The following OIP5 variants were observed in gnomAD, a reference collection of about 807,000 sequenced individuals.
OIP5 encodes protein Mis18-beta.
A neutral mutation model predicts 20.3 loss-of-function variants in OIP5; 24 were observed. The observed-to-expected ratio is 1.18, with a 90% confidence interval of 0.86 to 1.66. The LOEUF (loss-of-function observed/expected upper bound fraction) is 1.66, where lower values mean the gene tolerates loss of function less well. OIP5 is among the 40% of genes most tolerant of loss of function. OIP5 has a pLI of 0.00. For missense variants in OIP5, 339 were observed against 289.5 expected, an observed-to-expected ratio of 1.17 and a Z score of -1.24; for synonymous variants, 143 against 121.3, an observed-to-expected ratio of 1.18 and a Z score of -1.17.
intron 4 of OIP5, among the ~76,000 whole-genome samples, chr15:41,311,193 A>G (rs950210124): frequency 6.6e-6 from 1 of 152,140 alleles, no homozygotes; most frequent in African/African-American, 2.4e-5. Flanking sequence ...CATTTTTAGC[A>G]GAGATGGTAA....
chr15:41,325,911 C>T (rs1224062411), intron 2 of OIP5, among the ~76,000 whole-genome samples: 1 of 151,990 alleles, frequency 6.6e-6, no homozygotes, highest in Non-Finnish European at 1.5e-5. Context: ...CCTGTAATCC[C>T]AGCACTCTGG....
chr15:41,316,498 G>T (rs973501457), intron 3 of OIP5, among the ~76,000 whole-genome samples: 3 of 151,688 alleles, frequency 2.0e-5, no homozygotes, highest in Non-Finnish European at 2.9e-5. Flanking sequence ...CATAAGAAAT[G>T]AGAAAAAGCG....
intron 4 of OIP5, among the ~76,000 whole-genome samples, chr15:41,311,199 G>C (rs1160385401): frequency 6.6e-6 from 1 of 152,072 alleles, no homozygotes; most frequent in Non-Finnish European, 1.5e-5. Flanking sequence ...TAGCAGAGAT[G>C]GTAAAACCCC....
At chr15:41,318,969 T>C (rs778456910) in intron 3 of OIP5, among the ~76,000 whole-genome samples, 5 of 152,010 alleles carry the variant, frequency 3.3e-5, no homozygotes, top group Admixed American at 1.3e-4. Flanking sequence ...TCACAAAGCA[T>C]TGGCATTACA....
At position 41,320,055 on chromosome 15, in the gene OIP5, A is replaced by T. The variant is rs187476323; in HGVS notation, c.390-275T>A. 9.8e-5 allele frequency among the ~76,000 whole-genome samples: 15 copies of T among 152,302 alleles called. No individual in the cohort carries two copies. In the East Asian group the frequency reaches 2.9e-3, roughly 29 times the overall value. On this transcript the variant is annotated intron_variant, in intron 2 of 4. Coordinates refer to ENST00000220514, the MANE Select transcript of OIP5 (RefSeq NM_007280.2). ...GAGAAAGGTAATTTACCCCTAATAA[A>T]CACAAAAAGAGCTAACTAATCTGAT...
chr15:41,329,339 G>A (rs939003588), intron 2 of OIP5, among the ~76,000 whole-genome samples: 12 of 141,684 alleles, frequency 8.5e-5, no homozygotes, highest in Non-Finnish European at 1.4e-4. Context: ...TTTTTCAGAC[G>A]GAGTCTCGAT....
intron 3 of OIP5, 55 bp from the exon 4 acceptor site, chr15:41,313,409 G>GA: frequency 2.0e-6 from 2 of 978,886 alleles, no homozygotes; most frequent in Non-Finnish European, 3.1e-6. Context: ...GATTATAAAA[G>GA]AACCAAACTT....
chr15:41,322,393 T>G (rs567698894), intron 2 of OIP5, among the ~76,000 whole-genome samples: 4 of 152,312 alleles, frequency 2.6e-5, no homozygotes, highest in African/African-American at 9.6e-5. Context: ...ATATATAGTA[T>G]GAAGTTTTTT....
intron 3 of OIP5, among the ~76,000 whole-genome samples, chr15:41,317,987 A>G (rs1870872279): frequency 6.6e-6 from 1 of 152,048 alleles, no homozygotes; most frequent in South Asian, 2.1e-4. Flanking sequence ...CCAGGTATTC[A>G]TTCTTGATCC....
chr15:41,313,546 G>A (rs1200770426), intron 3 of OIP5, among the ~76,000 whole-genome samples, 192 bp from the exon 4 acceptor site: 2 of 151,912 alleles, frequency 1.3e-5, no homozygotes. Context: ...AACAACCACA[G>A]ACTAAAAATA....
rs375775747 is a variant in OIP5, at chr15:41,323,021, T to C, written c.390-3241A>G. 4.6e-5 allele frequency among the ~76,000 whole-genome samples: 7 copies of C among 152,010 alleles called. No individual in the cohort carries two copies. In the East Asian group the frequency reaches 1.4e-3, roughly 29 times the overall value. Reference sequence around the variant, plus strand: ...AAAGAACAAATAACAATATATTGAGTTTATTGGTAAATGAAGTCCCACACC... The same window carrying C: ...AAAGAACAAATAACAATATATTGAGCTTATTGGTAAATGAAGTCCCACACC... On this transcript the variant is annotated intron_variant, in intron 2 of 4. Coordinates refer to ENST00000220514, the MANE Select transcript of OIP5 (RefSeq NM_007280.2).
intron 2 of OIP5, among the ~76,000 whole-genome samples, chr15:41,321,943 AT>A (rs1268961456): frequency 4.0e-5 from 6 of 151,868 alleles, no homozygotes; most frequent in African/African-American, 1.4e-4. Context: ...AAATAAATAA[AT>A]AAATAAAAAA....
intron 4 of OIP5, among the ~76,000 whole-genome samples, chr15:41,311,762 C>G (rs147927013): frequency 0.011 from 1,727 of 152,042 alleles, 39 homozygotes; most frequent in African/African-American, 0.039. Context: ...TTAGTAGAGA[C>G]GGGGTTTCAC....
chr15:41,315,803 A>G (rs1189514430), intron 3 of OIP5, among the ~76,000 whole-genome samples: 2 of 152,204 alleles, frequency 1.3e-5, no homozygotes, highest in African/African-American at 2.4e-5. Flanking sequence ...GCACACATTT[A>G]CAGTTTTTTT....
At chr15:41,322,969 G>A (rs2047839592) in intron 2 of OIP5, among the ~76,000 whole-genome samples, 1 of 151,580 alleles carries the variant, frequency 6.6e-6, no homozygotes, top group African/African-American at 2.4e-5. Context: ...TAGCTAAAAA[G>A]AAATATTCAT....
intron 2 of OIP5, among the ~76,000 whole-genome samples, chr15:41,323,155 G>A (rs2047840727): frequency 6.6e-6 from 1 of 152,092 alleles, no homozygotes; most frequent in South Asian, 2.1e-4. Context: ...AATTAATTCA[G>A]ACAAAGCACA....
intron 3 of OIP5, among the ~76,000 whole-genome samples, chr15:41,317,381 C>CTTTTTTTT (rs1171613409): frequency 1.5e-5 from 2 of 132,726 alleles, no homozygotes; most frequent in Non-Finnish European, 3.3e-5. Context: ...ATCCATTTTT[C>CTTTTTTTT]TTTTTTTTTT....
intron 4 of OIP5, among the ~76,000 whole-genome samples, chr15:41,312,920 G>A (rs1486317298): frequency 2.6e-5 from 4 of 152,136 alleles, no homozygotes; most frequent in Admixed American, 2.0e-4. Flanking sequence ...GAGCCACCAC[G>A]CCCGGCCAGG....
At chr15:41,314,852 G>A (rs1341069841) in intron 3 of OIP5, among the ~76,000 whole-genome samples, 1 of 151,294 alleles carries the variant, frequency 6.6e-6, no homozygotes, top group Admixed American at 6.6e-5. Flanking sequence ...GGCTGGTCTT[G>A]AATTCCTGAC....
Sources: gnomAD v4.1 joint callset for allele counts (sites outside exome capture counted in the v4.1 genomes callset) on GRCh38, gnomAD v4.1.1 for gene constraint, MANE v1.5 for transcripts, NCBI Gene and HGNC (gene_info 2026-07-23, HGNC 2026-07-21) for gene names.